The following CTIF variants were observed in gnomAD, a reference collection of about 807,000 sequenced individuals.
CTIF encodes the protein CBP80/20-dependent translation initiation factor.
Under a neutral mutation model 66.0 loss-of-function variants are expected in CTIF, and 21 were observed. The observed-to-expected ratio is 0.32, with a 90% CI of 0.23 to 0.46. The LOEUF is 0.46. CTIF is among the 20% of genes least tolerant of loss of function. CTIF has a pLI of 1.00. For synonymous variants in CTIF, 345 were observed against 326.4 expected (o/e 1.06, Z -0.62); for missense variants, 739 against 812.7 (o/e 0.91, Z 1.10).
At chr18:48,588,053 T>G (rs1449136821) in intron 1 of CTIF, among the ~76,000 whole-genome samples, 2 of 152,188 alleles carry the variant, frequency 1.3e-5, no homozygotes, top group Non-Finnish European at 2.9e-5. Context: ...TCTCAGTAAC[T>G]GTTTATGGGG....
At chr18:48,714,792 C>G (rs877885) in intron 7 of CTIF, among the ~76,000 whole-genome samples, 172 of 152,148 alleles carry the variant, frequency 1.1e-3, no homozygotes, top group African/African-American at 4.1e-3. Context: ...CCTCACTCAC[C>G]CTATGATCTT....
chr18:48,692,241 G>A (rs9957013), intron 6 of CTIF, among the ~76,000 whole-genome samples: 51,071 of 151,666 alleles, frequency 0.34, 10,684 homozygotes, highest in African/African-American at 0.6. Flanking sequence ...CTTGACTTCT[G>A]GAGGTCTGGA....
intron 10 of CTIF, among the ~76,000 whole-genome samples, chr18:48,854,312 A>G (rs564115243): frequency 6.6e-6 from 1 of 152,272 alleles, no homozygotes; most frequent in East Asian, 1.9e-4. Flanking sequence ...TAAAGGATGG[A>G]GAGAGGATGG....
chr18:48,588,819 C>G (rs1194759610), intron 1 of CTIF, among the ~76,000 whole-genome samples: 1 of 152,238 alleles, frequency 6.6e-6, no homozygotes, highest in Non-Finnish European at 1.5e-5. Flanking sequence ...AGGAGGGGCC[C>G]AATGCAGGCT....
At chr18:48,636,064 T>C (rs2144621188) in intron 2 of CTIF, among the ~76,000 whole-genome samples, 1 of 152,328 alleles carries the variant, frequency 6.6e-6, no homozygotes, top group East Asian at 1.9e-4. Context: ...CAGACCACAC[T>C]TTGGGACACA....
chr18:48,821,173 C>T (rs2068476269), intron 10 of CTIF, among the ~76,000 whole-genome samples: 1 of 152,234 alleles, frequency 6.6e-6, no homozygotes, highest in South Asian at 2.1e-4. Flanking sequence ...CCTCAGCACA[C>T]CAACAGCTTC....
At chr18:48,825,663 C>T (rs761361531) in intron 10 of CTIF, among the ~76,000 whole-genome samples, 9 of 152,112 alleles carry the variant, frequency 5.9e-5, no homozygotes, top group Non-Finnish European at 1.0e-4. Context: ...ATTCAGCTAC[C>T]CAGCAGAGGC....
intron 9 of CTIF, among the ~76,000 whole-genome samples, chr18:48,802,897 C>T (rs1309869116): frequency 1.3e-5 from 2 of 152,238 alleles, no homozygotes; most frequent in Non-Finnish European, 2.9e-5. Flanking sequence ...ACAATCCAGC[C>T]TTCTCTCTCT....
intron 1 of CTIF, among the ~76,000 whole-genome samples, chr18:48,547,601 T>C (rs1322374130): frequency 6.6e-6 from 1 of 152,254 alleles, no homozygotes; most frequent in Non-Finnish European, 1.5e-5. Context: ...GGCCTTGTAC[T>C]GAGCTCTGGC....
chr18:48,719,259 G>T (rs891304850), intron 7 of CTIF, among the ~76,000 whole-genome samples: 11 of 152,108 alleles, frequency 7.2e-5, no homozygotes, highest in Admixed American at 7.2e-4. Context: ...CAAGGACTCT[G>T]GGGGATACCA....
At chr18:48,727,207 A>G (rs1488562855) in intron 7 of CTIF, among the ~76,000 whole-genome samples, 1 of 152,176 alleles carries the variant, frequency 6.6e-6, no homozygotes, top group Non-Finnish European at 1.5e-5. Context: ...GTTGGTCCAT[A>G]GCAGTTCTGA....
chr18:48,840,948 C>T (rs2068926589), intron 10 of CTIF, among the ~76,000 whole-genome samples: 1 of 147,614 alleles, frequency 6.8e-6, no homozygotes, highest in African/African-American at 2.5e-5. Flanking sequence ...TTCTTCAATA[C>T]AGCATGCCAA....
chr18:48,667,082 GACACACACACAC>G (rs4044188), intron 5 of CTIF, among the ~76,000 whole-genome samples: 12 of 142,274 alleles, frequency 8.4e-5, no homozygotes, highest in Admixed American at 4.9e-4. Flanking sequence ...CAGGAAAGTA[GACACACACACAC>G]ACACACACAC....
intron 10 of CTIF, chr18:48,826,329 C>A (rs1276646973): frequency 1.3e-5 from 2 of 152,196 alleles, no homozygotes; most frequent in Admixed American, 1.3e-4. Context: ...TCCATTCTCC[C>A]AACGGGGCAT....
Position 48,675,125 on chromosome 18 carries a change from C to G in CTIF, c.507+4381C>G, listed in dbSNP as rs985257689. Among the ~76,000 whole-genome samples the G allele has an allele frequency of 2.1e-5, 3 of 141,916 alleles. No individual in the cohort carries two copies. In the East Asian group the frequency reaches 6.5e-4, roughly 31 times the overall value. The allele number at this position is 141,916 out of a possible 152,430, so 93.1% of individuals were successfully genotyped here. ...CAGGGCCATGGATTCAGGGTTCAAT[C>G]ATGGTTCTCAGTGTTGAAGCCATAG... On this transcript the variant is annotated intron_variant, in intron 6 of 11. Coordinates refer to ENST00000256413, the MANE Select transcript of CTIF (RefSeq NM_014772.3).
At chr18:48,546,847 G>A (rs973753110) in intron 1 of CTIF, among the ~76,000 whole-genome samples, 1 of 152,188 alleles carries the variant, frequency 6.6e-6, no homozygotes, top group African/African-American at 2.4e-5. Flanking sequence ...TCTTGACCTG[G>A]ATGTGAGGTG....
At chr18:48,720,548 A>G (rs1056813433) in intron 7 of CTIF, among the ~76,000 whole-genome samples, 15 of 152,010 alleles carry the variant, frequency 9.9e-5, no homozygotes, top group African/African-American at 3.6e-4. Context: ...GGGACAGGCA[A>G]ACCCCCACCT....
At chr18:48,557,298 G>C (rs2089045856) in intron 1 of CTIF, among the ~76,000 whole-genome samples, 1 of 152,196 alleles carries the variant, frequency 6.6e-6, no homozygotes. Context: ...AACTCAGGCT[G>C]GTCATGAACC....
intron 6 of CTIF, among the ~76,000 whole-genome samples, chr18:48,705,158 C>T (rs1414780248): frequency 6.6e-6 from 1 of 152,192 alleles, no homozygotes; most frequent in African/African-American, 2.4e-5. Flanking sequence ...CAGCCTGACC[C>T]ATTGCTGACG....
Sources: allele counts gnomAD v4.1 joint callset (sites outside exome capture counted in the v4.1 genomes callset), GRCh38; gene constraint gnomAD v4.1.1; transcripts MANE v1.5; gene names NCBI Gene and HGNC (gene_info 2026-07-23, HGNC 2026-07-21).